Variants in ATXN1 observed in about 807,000 individuals in gnomAD.
ATXN1 encodes ataxin-1.
A neutral mutation model predicts 56.4 loss-of-function variants in ATXN1; 8 were observed. The observed-to-expected ratio is 0.14, with a 90% CI of 0.08 to 0.26. ATXN1 has a LOEUF of 0.26. Among genes scored for constraint, ATXN1 ranks in the 10% least tolerant of loss-of-function variants. The pLI is 1.00. For missense variants in ATXN1, 987 were observed against 1,106.5 expected, an observed-to-expected ratio of 0.89 and a Z score of 1.53; for synonymous variants, 514 against 494.6, an observed-to-expected ratio of 1.04 and a Z score of -0.52.
chr6:16,468,599 G>A (rs976717756), intron 6 of ATXN1, among the ~76,000 whole-genome samples: 2 of 152,202 alleles, frequency 1.3e-5, no homozygotes, highest in African/African-American at 2.4e-5. Flanking sequence ...ACCAGTAAGC[G>A]AGTATATGCT....
intron 6 of ATXN1, among the ~76,000 whole-genome samples, chr6:16,349,824 A>G (rs1214910604): frequency 6.6e-6 from 1 of 152,234 alleles, no homozygotes; most frequent in Non-Finnish European, 1.5e-5. Context: ...ATAAAATTCA[A>G]ATGTGCTCAT....
intron 6 of ATXN1, among the ~76,000 whole-genome samples, chr6:16,375,583 A>G (rs1762127214): frequency 6.6e-6 from 1 of 152,236 alleles, no homozygotes; most frequent in African/African-American, 2.4e-5. Context: ...AAATTTTGGA[A>G]CATGAGAAAG....
At chr6:16,370,098 G>T (rs1762008107) in intron 6 of ATXN1, among the ~76,000 whole-genome samples, 1 of 152,110 alleles carries the variant, frequency 6.6e-6, no homozygotes. Flanking sequence ...ATTATGATCT[G>T]ATCTGCTCCT....
At chr6:16,665,781 G>C (rs1410887564) in intron 2 of ATXN1, among the ~76,000 whole-genome samples, 2 of 152,228 alleles carry the variant, frequency 1.3e-5, no homozygotes, top group South Asian at 4.1e-4. Context: ...AGAGTTATCT[G>C]TGGGCGGAAA....
intron 6 of ATXN1, among the ~76,000 whole-genome samples, chr6:16,348,396 T>A (rs1162553284): frequency 1.3e-5 from 2 of 152,080 alleles, no homozygotes; most frequent in East Asian, 1.9e-4. Flanking sequence ...ATTTCCTCTT[T>A]AAGAAAATGA....
intron 3 of ATXN1, among the ~76,000 whole-genome samples, chr6:16,610,831 C>G (rs777910865): frequency 2.0e-5 from 3 of 149,970 alleles, no homozygotes; most frequent in Non-Finnish European, 4.4e-5. Flanking sequence ...TAAAACCACC[C>G]GGGACAACAC....
chr6:16,468,917 A>G (rs1366093588), intron 6 of ATXN1, among the ~76,000 whole-genome samples: 1 of 151,906 alleles, frequency 6.6e-6, no homozygotes. Context: ...AAAAGGTAGG[A>G]CTGTGATAGA....
At chr6:16,527,345 C>A (rs139349112) in intron 4 of ATXN1, among the ~76,000 whole-genome samples, 1 of 152,182 alleles carries the variant, frequency 6.6e-6, no homozygotes, top group African/African-American at 2.4e-5. Context: ...ATGCAGTTAA[C>A]CTTTTCTAAG....
intron 7 of ATXN1, among the ~76,000 whole-genome samples, chr6:16,320,672 T>C (rs991050521): frequency 6.6e-6 from 1 of 152,232 alleles, no homozygotes; most frequent in Non-Finnish European, 1.5e-5. Context: ...TAACAGCCTC[T>C]TGCAGAAGAG....
intron 5 of ATXN1, among the ~76,000 whole-genome samples, chr6:16,495,870 C>CAA (rs35083248): frequency 6.6e-5 from 7 of 106,806 alleles, no homozygotes; most frequent in Admixed American, 1.1e-4. Context: ...CTCTCTCTCT[C>CAA]AAAAAAAAAA....
At chr6:16,630,991 G>C (rs566050425) in intron 3 of ATXN1, among the ~76,000 whole-genome samples, 1 of 152,122 alleles carries the variant, frequency 6.6e-6, no homozygotes, top group Non-Finnish European at 1.5e-5. Flanking sequence ...CCTTTCATTG[G>C]TAAGCCACAG....
rs144583284 is a variant in ATXN1, at chr6:16,327,585, G to C, written c.726C>G (p.Ala242=). ...GLITPGSPPP[A]QQNQYVHISS... is the part of the protein sequence containing the mutation. ...AAATGTGGACGTACTGGTTCTGCTG[G>C]GCTGGTGGGGGGGACCCCGGGGTGA... The change falls in exon 7 of 8, where the codon GCC becomes GCG. Residue 242 remains alanine (A), a synonymous_variant. Transcript: ENST00000436367. The C allele has an allele frequency of 1.8e-4, 283 of 1,597,428 alleles. No homozygotes were observed. The African/African-American group carries it at 3.4e-3, about 19-fold the overall frequency.
At chr6:16,683,596 G>A (rs1758857655) in intron 2 of ATXN1, among the ~76,000 whole-genome samples, 1 of 152,208 alleles carries the variant, frequency 6.6e-6, no homozygotes, top group Non-Finnish European at 1.5e-5. Flanking sequence ...TGGGCTACCT[G>A]AAAGTGTTTA....
chr6:16,377,582 A>T (rs1762167416), intron 6 of ATXN1, among the ~76,000 whole-genome samples: 1 of 152,120 alleles, frequency 6.6e-6, no homozygotes, highest in Non-Finnish European at 1.5e-5. Context: ...CCAAGAAACC[A>T]TCACAGCTCA....
At chr6:16,647,740 G>T (rs2113827232) in intron 3 of ATXN1, among the ~76,000 whole-genome samples, 1 of 152,356 alleles carries the variant, frequency 6.6e-6, no homozygotes, top group Non-Finnish European at 1.5e-5. Flanking sequence ...AAAGCATCGT[G>T]TTGTACACAA....
intron 3 of ATXN1, among the ~76,000 whole-genome samples, chr6:16,639,752 G>A (rs1162379709): frequency 2.0e-5 from 3 of 152,142 alleles, no homozygotes; most frequent in South Asian, 4.1e-4. Flanking sequence ...TTTTAATTGT[G>A]GCTCATTAAA....
At chr6:16,335,504 T>C (rs1287265703) in intron 6 of ATXN1, among the ~76,000 whole-genome samples, 1 of 152,176 alleles carries the variant, frequency 6.6e-6, no homozygotes, top group African/African-American at 2.4e-5. Flanking sequence ...TGAAAGCTCG[T>C]AATCCAAGCT....
rs144237796 is a variant in ATXN1, at chr6:16,445,629, C to T, written c.-161+40343G>A. On this transcript the variant is annotated intron_variant, in intron 6 of 7. Coordinates refer to ENST00000436367, the MANE Select transcript of ATXN1 (RefSeq NM_001128164.2). ...TGCTGGTGTGCTGCACCCATTACCT[C>T]GTCATCTAGCATTAGGTGTATCTCC... Among the ~76,000 whole-genome samples the T allele has an allele frequency of 8.6e-3, 1,292 of 151,028 alleles. 4 individuals are homozygous for T. The highest frequency in any genetic ancestry group is 0.015 in the Non-Finnish European group (985 of 67,778).
At chr6:16,469,663 G>A (rs1317047488) in intron 6 of ATXN1, among the ~76,000 whole-genome samples, 5 of 152,290 alleles carry the variant, frequency 3.3e-5, no homozygotes, top group East Asian at 1.9e-4. Flanking sequence ...TAATAAAGAC[G>A]TGAAAGAGAG....
Sources: gnomAD v4.1 joint callset for allele counts (sites outside exome capture counted in the v4.1 genomes callset) on GRCh38, gnomAD v4.1.1 for gene constraint, MANE v1.5 for transcripts, NCBI Gene and HGNC (gene_info 2026-07-23, HGNC 2026-07-21) for gene names.